LPIN3: variants seen among roughly 807,000 people sequenced by gnomAD.
The protein encoded by LPIN3 is phosphatidate phosphatase LPIN3.
A neutral mutation model predicts 94.7 loss-of-function variants in LPIN3; 82 were observed. The observed-to-expected ratio is 0.87, with a 90% confidence interval of 0.72 to 1.04. The LOEUF is 1.04. Among genes scored for constraint, LPIN3 ranks in the 50% least tolerant of loss-of-function variants. The pLI is 0.00. For synonymous variants in LPIN3, 418 were observed against 443.3 expected, an observed-to-expected ratio of 0.94 and a Z score of 0.72; for missense variants, 996 against 1,090.5, an observed-to-expected ratio of 0.91 and a Z score of 1.22.
intron 2 of LPIN3, among the ~76,000 whole-genome samples, chr20:41,347,045 A>T (rs1261174182): frequency 6.6e-6 from 1 of 152,232 alleles, no homozygotes; most frequent in Non-Finnish European, 1.5e-5. Flanking sequence ...CCTCATCTGT[A>T]AAGTGGAGGT....
rs2046083188 is a variant in LPIN3 at position 41,353,007 on chromosome 20, G to A, written c.1527+140G>A. On this transcript the variant is annotated intron_variant, in intron 11 of 19. Coordinates refer to ENST00000373257, the MANE Select transcript of LPIN3 (RefSeq NM_022896.3). Reference sequence around the variant, plus strand: ...TAGCTGGCTGCAAGACTCACTCTGGGAGAGGCGACACACGTCCCTGAAGCC... The same window carrying A: ...TAGCTGGCTGCAAGACTCACTCTGGAAGAGGCGACACACGTCCCTGAAGCC... 3.0e-5 allele frequency: 27 copies of A among 912,548 alleles called. No individual in the cohort carries two copies. In the South Asian group the frequency reaches 3.9e-4, roughly 13 times the overall value. The allele number at this position is 912,548 out of a possible 1,614,324, so 56.5% of individuals were successfully genotyped here. A position where few individuals can be genotyped will look rare whatever the true frequency, so the allele number is the denominator to read the frequency against.
Position 41,358,876 on chromosome 20 carries a change from G to A in LPIN3, c.*10G>A. On this transcript the variant is annotated 3_prime_UTR_variant, in exon 20 of 20. Coordinates refer to ENST00000373257, the MANE Select transcript of LPIN3 (RefSeq NM_022896.3). ...TGATACCCTGGACTGAACCTGCCCT[G>A]GCTGGCTCCTCCTCCCTGGCCCGGC... is the stretch of plus-strand genomic sequence containing the variant. 6.2e-7 allele frequency: 1 copy of A among 1,613,746 alleles called. No homozygotes were observed. The highest frequency in any genetic ancestry group is 8.5e-7 in the Non-Finnish European group (1 of 1,179,890).
At chr20:41,355,865 G>A in intron 13 of LPIN3, 31 bp from the exon 14 acceptor site, 1 of 1,611,960 alleles carries the variant, frequency 6.2e-7, no homozygotes, top group Non-Finnish European at 8.5e-7. Context: ...TTGGCTGGAG[G>A]AGATGGCCTG....
Position 41,348,649 on chromosome 20 carries a change from C to T in LPIN3, c.319C>T (p.Pro107Ser), listed in dbSNP as rs1026413207. The part of the protein sequence containing the change: ...EHVPPGLCTS[P>S]IPWGGLSGFP... ...TGTGCCTCCCGGCCTGTGCACCTCA[C>T]CCATCCCTTGGGGGGGTCTGTCTGG... Residue 107 changes from proline (P) to serine (S), a missense_variant, in exon 4 of 20, where the codon CCC (proline) becomes TCC (serine). Pro to Ser is a moderately conservative substitution (Grantham distance 74). Coordinates refer to ENST00000373257, the MANE Select transcript of LPIN3 (RefSeq NM_022896.3). 5 of 1,612,960 alleles carry T rather than the reference C, an allele frequency of 3.1e-6. No homozygotes were observed. Among genetic ancestry groups the T allele is most frequent in the Non-Finnish European group, 4.2e-6 (5 of 1,179,304 alleles).
chr20:41,348,210 G>A (rs1214496517), intron 3 of LPIN3, among the ~76,000 whole-genome samples: 1 of 152,228 alleles, frequency 6.6e-6, no homozygotes, highest in Non-Finnish European at 1.5e-5. Context: ...GTTCCAGGCT[G>A]TTCTGGGAGC....
Position 41,357,147 on chromosome 20 carries a change from C to T in LPIN3, c.1911C>T (p.Asp637=), listed in dbSNP as rs768870532. 1.2e-5 allele frequency: 20 copies of T among 1,614,010 alleles called. No homozygotes were observed. Among genetic ancestry groups the T allele is most frequent in the African/African-American group, 8.0e-5 (6 of 74,930 alleles). ...CCACCATCTACCTGTGGAAATGGGACGACAAGGTGGTCATCTCTGACATCG... is the reference window on the plus strand; with the variant it reads ...CCACCATCTACCTGTGGAAATGGGATGACAAGGTGGTCATCTCTGACATCG... The part of the protein sequence containing the change: ...CKATIYLWKW[D]DKVVISDIDG... The change falls in exon 15 of 20, where the codon GAC becomes GAT. Residue 637 remains aspartate (D), a synonymous_variant. Transcript: ENST00000373257.
At chr20:41,358,596 G>T in intron 19 of LPIN3, 54 bp downstream of exon 19, 1 of 1,606,948 alleles carries the variant, frequency 6.2e-7, no homozygotes, top group Non-Finnish European at 8.5e-7. Flanking sequence ...CCCTGCCCTG[G>T]CTTCTCCCTG....
chr20:41,358,397 C>G (rs370088246), intron 18 of LPIN3, 42 bp from the exon 19 acceptor site: 1 of 1,613,134 alleles, frequency 6.2e-7, no homozygotes, highest in Non-Finnish European at 8.5e-7. Context: ...TCCCCAGCTG[C>G]CTGCAGGCCT....
chr20:41,357,276 G>T lies in LPIN3; in HGVS notation c.1953-85G>T, dbSNP rs561717500. 4.9e-5 allele frequency: 79 copies of T among 1,600,606 alleles called. No individual in the cohort carries two copies. The African/African-American group carries it at 1.0e-3, about 20-fold the overall frequency. ...CTGGGTGTGGTGGGGAGTGAGAGGA[G>T]CCCTCCCTTCCTGGTGGGCCATCCT... On this transcript the variant is annotated intron_variant, in intron 15 of 19. Transcript: ENST00000373257.
rs753824321 is a variant in LPIN3 at position 41,357,913 on chromosome 20, C to T, written c.2071C>T (p.Arg691Trp). The stretch of plus-strand genomic sequence containing the variant: ...GTACAAGTTCCTGTACTGCTCGGCG[C>T]GGGCCATTGGCATGGCGGACCTCAC... The part of the protein sequence containing the change: ...NGYKFLYCSA[R>W]AIGMADLTKG... The change falls in exon 17 of 20, where the codon CGG becomes TGG. Residue 691 changes from arginine to tryptophan, a missense_variant. Coordinates refer to ENST00000373257, the MANE Select transcript of LPIN3 (RefSeq NM_022896.3). 50 of 1,614,118 alleles carry T rather than the reference C, an allele frequency of 3.1e-5. No individual in the cohort carries two copies. Among genetic ancestry groups the T allele is most frequent in the African/African-American group, 6.7e-5 (5 of 75,054 alleles).
At chr20:41,353,689 G>A (rs1408761050) in intron 11 of LPIN3, among the ~76,000 whole-genome samples, 1 of 152,216 alleles carries the variant, frequency 6.6e-6, no homozygotes, top group East Asian at 1.9e-4. Context: ...TGCCCTCCTG[G>A]GCAGTGCCAG....
intron 2 of LPIN3, among the ~76,000 whole-genome samples, chr20:41,346,483 A>G (rs2045781564): frequency 1.3e-5 from 2 of 152,218 alleles, no homozygotes; most frequent in African/African-American, 2.4e-5. Flanking sequence ...GCTCACGCCT[A>G]TAATCCCAGC....
rs2046289656 is a variant in LPIN3, at chr20:41,358,330, T to G, written c.2286T>G (p.Ala762=). The G allele has an allele frequency of 6.2e-7, 1 of 1,614,060 alleles. No individual in the cohort carries two copies. The highest frequency in any genetic ancestry group is 1.3e-5 in the African/African-American group (1 of 74,924). ...TGCCCCACGGACAGCCCTTCTATGC[T>G]GCCTTTGGGAATAGGCCCAATGTGA... The part of the protein sequence containing the change: ...LFLPHGQPFY[A]AFGNRPNDVF... The change falls in exon 18 of 20, where the codon GCT becomes GCG. Residue 762 remains alanine, a synonymous_variant. Transcript: ENST00000373257.
At chr20:41,343,137 C>T (rs1350014338) in intron 1 of LPIN3, among the ~76,000 whole-genome samples, 9 of 151,976 alleles carry the variant, frequency 5.9e-5, no homozygotes, top group African/African-American at 1.7e-4. Context: ...CACCCACCCA[C>T]CCCCCAGCAA....
Position 41,355,934 on chromosome 20 carries a change from C to A in LPIN3, c.1703C>A (p.Pro568Gln). The change falls in exon 14 of 20, where the codon CCA (proline) becomes CAA (glutamine). Residue 568 changes from proline (P) to glutamine (Q), a missense_variant. Physicochemically the swap from Pro to Gln is moderately conservative, Grantham distance 76 (BLOSUM62 -1). Transcript: ENST00000373257. ...GTCCTGAGCAGTGATGACGATGCCCCAGACAGCCCTGTGATCCTGGAGATC... is the reference window on the plus strand; with the variant it reads ...GTCCTGAGCAGTGATGACGATGCCCAAGACAGCCCTGTGATCCTGGAGATC... ...TEVLSSDDDAPDSPVILEIPS... is the reference protein window; with the variant it reads ...TEVLSSDDDAQDSPVILEIPS... The A allele has an allele frequency of 6.2e-7, 1 of 1,614,152 alleles. No homozygotes were observed.
At chr20:41,341,481 C>T (rs1239974085) in intron 1 of LPIN3, among the ~76,000 whole-genome samples, 3 of 152,048 alleles carry the variant, frequency 2.0e-5, no homozygotes, top group Admixed American at 1.3e-4. Flanking sequence ...AGAGCCACAC[C>T]CTTCATCCAC....
In LPIN3 at chr20:41,358,552, A is replaced by C; in HGVS notation, c.2411+10A>C. 1 of 1,613,820 alleles carries C rather than the reference A, an allele frequency of 6.2e-7. No homozygotes were observed. The highest frequency in any genetic ancestry group is 8.5e-7 in the Non-Finnish European group (1 of 1,179,832). On this transcript the variant is annotated intron_variant, in intron 19 of 19. Transcript: ENST00000373257. Reference sequence around the variant, plus strand: ...AGAACCACAAATCCACGTGAGGCTAAACCCTGCCATGTTCCCCATGCCCTA... The same window carrying C: ...AGAACCACAAATCCACGTGAGGCTACACCCTGCCATGTTCCCCATGCCCTA...
At position 41,351,896 on chromosome 20, in the gene LPIN3, A is replaced by T; in HGVS notation, c.1178A>T (p.Asn393Ile). 1 of 1,614,216 alleles carries T rather than the reference A, an allele frequency of 6.2e-7. No individual in the cohort carries two copies. Among genetic ancestry groups the T allele is most frequent in the Non-Finnish European group, 8.5e-7 (1 of 1,180,040 alleles). The change falls in exon 8 of 20, where the codon AAT becomes ATT. Residue 393 changes from asparagine to isoleucine, a missense_variant. Coordinates refer to ENST00000373257, the MANE Select transcript of LPIN3 (RefSeq NM_022896.3). Reference protein sequence around the residue: ...LDDLPSLDSENAALYFPQSDS... With the variant: ...LDDLPSLDSEIAALYFPQSDS... ...GACTTGCCCTCCCTGGACTCTGAGA[A>T]TGCAGCGCTTTACTTCCCCCAAAGG...
chr20:41,352,974 C>A, intron 11 of LPIN3, 107 bp downstream of exon 11: 1 of 1,269,938 alleles, frequency 7.9e-7, no homozygotes, highest in Non-Finnish European at 1.1e-6. Context: ...GGCCTGGGAG[C>A]CAGGGGCTAG....
Sources: allele counts gnomAD v4.1 joint callset (sites outside exome capture counted in the v4.1 genomes callset), GRCh38; gene constraint gnomAD v4.1.1; transcripts MANE v1.5; gene names NCBI Gene and HGNC (gene_info 2026-07-23, HGNC 2026-07-21).